EBF2: variants seen among roughly 807,000 people sequenced by gnomAD.
The protein encoded by EBF2 is EBF transcription factor 2.
A neutral mutation model predicts 72.8 loss-of-function variants in EBF2; 21 were observed. The observed-to-expected ratio is 0.29, with a 90% CI of 0.20 to 0.42. The LOEUF (loss-of-function observed/expected upper bound fraction) is 0.42, where lower values mean the gene tolerates loss of function less well. EBF2 is among the 10% of genes least tolerant of loss of function. EBF2 has a pLI of 1.00. For missense variants in EBF2, 637 were observed against 731.2 expected (o/e 0.87, Z 1.49); for synonymous variants, 299 against 274.2 (o/e 1.09, Z -0.89).
At chr8:25,982,520 G>A (rs116944963) in intron 6 of EBF2, among the ~76,000 whole-genome samples, 3,065 of 152,312 alleles carry the variant, frequency 0.02, 52 homozygotes, top group Non-Finnish European at 0.032. Flanking sequence ...ATTCCCAGGG[G>A]AAGAGTTTTA....
intron 6 of EBF2, among the ~76,000 whole-genome samples, chr8:25,928,382 T>C (rs1383835147): frequency 1.3e-5 from 2 of 152,154 alleles, no homozygotes; most frequent in Non-Finnish European, 2.9e-5. Flanking sequence ...TATGCTCCCA[T>C]CTGACTCATT....
At position 25,842,629 on chromosome 8, in the gene EBF2, T is replaced by G. The variant is rs1563369988; in HGVS notation, c.*1980A>C. On this transcript the variant is annotated 3_prime_UTR_variant, in exon 16 of 16. Coordinates refer to ENST00000520164, the MANE Select transcript of EBF2 (RefSeq NM_022659.4). ...TTATGTTTCCGTGTATTTTGGCGCT[T>G]TAAGCCCTGACTATGAGGGACTGTC... is the stretch of plus-strand genomic sequence containing the variant. 6.6e-6 allele frequency: 1 copy of G among 152,178 alleles called. No individual in the cohort carries two copies. The highest frequency in any genetic ancestry group is 1.5e-5 in the Non-Finnish European group (1 of 68,028). 9.4% of individuals were successfully genotyped at this position (152,178 alleles called of 1,614,324 possible).
intron 6 of EBF2, among the ~76,000 whole-genome samples, chr8:26,003,400 T>A (rs1047147658): frequency 3.9e-5 from 6 of 152,192 alleles, no homozygotes; most frequent in Non-Finnish European, 5.9e-5. Context: ...CTTTTCTTGT[T>A]ACTCCCAACC....
chr8:25,970,218 G>C (rs1804169827), intron 6 of EBF2, among the ~76,000 whole-genome samples: 1 of 152,178 alleles, frequency 6.6e-6, no homozygotes, highest in Middle Eastern at 3.2e-3. Context: ...GATGAACCAG[G>C]ATGCTGCTCC....
At chr8:26,033,264 C>T in intron 5 of EBF2, 111 bp from the exon 6 acceptor site, 1 of 1,031,028 alleles carries the variant, frequency 9.7e-7, no homozygotes, top group Non-Finnish European at 1.5e-6. Context: ...GCTCTGTCAC[C>T]AGGCTGTAGT....
chr8:26,038,150 G>T (rs560035427), intron 5 of EBF2, among the ~76,000 whole-genome samples: 8 of 152,196 alleles, frequency 5.3e-5, no homozygotes, highest in African/African-American at 1.7e-4. Flanking sequence ...TCTAATATTT[G>T]CCATTACCCA....
At chr8:25,861,024 A>T in intron 13 of EBF2, 25 bp downstream of exon 13, 1 of 1,613,968 alleles carries the variant, frequency 6.2e-7, no homozygotes, top group Non-Finnish European at 8.5e-7. Flanking sequence ...ACATATTTGG[A>T]TTTTGACTCT....
Position 25,913,200 on chromosome 8 carries a change from T to C in EBF2, c.552-4645A>G, listed in dbSNP as rs1585193395. 2.0e-5 allele frequency among the ~76,000 whole-genome samples: 3 copies of C among 152,254 alleles called. No individual in the cohort carries two copies. The South Asian group carries it at 6.2e-4, about 32-fold the overall frequency. On this transcript the variant is annotated intron_variant, in intron 6 of 15. Coordinates refer to ENST00000520164, the MANE Select transcript of EBF2 (RefSeq NM_022659.4). ...GCTCACTCCTGTAATCCCAGCACTT[T>C]GGGAGGCTGAGGTAGGAGTATCACG...
At chr8:25,866,712 A>G (rs1802336010) in intron 10 of EBF2, among the ~76,000 whole-genome samples, 1 of 147,208 alleles carries the variant, frequency 6.8e-6, no homozygotes, top group Non-Finnish European at 1.5e-5. Context: ...GCTCACTGCA[A>G]CCTCTGCCTC....
intron 5 of EBF2, among the ~76,000 whole-genome samples, chr8:26,035,538 T>G (rs975768533): frequency 2.0e-5 from 3 of 152,174 alleles, no homozygotes; most frequent in Non-Finnish European, 2.9e-5. Context: ...ATCTTAAAAC[T>G]TTTTAAACCC....
intron 6 of EBF2, among the ~76,000 whole-genome samples, chr8:25,915,655 G>C (rs1417097484): frequency 6.7e-6 from 1 of 148,456 alleles, no homozygotes; most frequent in Non-Finnish European, 1.5e-5. Context: ...GGAAGATTCA[G>C]GACCATTTGT....
intron 6 of EBF2, among the ~76,000 whole-genome samples, chr8:25,955,827 G>T (rs906439641): frequency 3.3e-5 from 5 of 152,136 alleles, no homozygotes; most frequent in East Asian, 1.9e-4. Context: ...GTGAATATAA[G>T]TTAATATTTT....
chr8:25,939,415 G>T (rs1365765832), intron 6 of EBF2, among the ~76,000 whole-genome samples: 6 of 152,128 alleles, frequency 3.9e-5, no homozygotes. Flanking sequence ...TGTGTGTTTT[G>T]CATTTGTGTT....
chr8:25,886,995 C>G (rs975493299), intron 9 of EBF2, 114 bp from the exon 10 acceptor site: 6 of 1,153,660 alleles, frequency 5.2e-6, no homozygotes, highest in Middle Eastern at 2.9e-4. Context: ...TCTCTCTGCT[C>G]TACTCTAACT....
At chr8:25,860,731 G>A (rs1284039365) in intron 13 of EBF2, among the ~76,000 whole-genome samples, 2 of 152,000 alleles carry the variant, frequency 1.3e-5, no homozygotes, top group Non-Finnish European at 2.9e-5. Flanking sequence ...TGCCCAGGCT[G>A]GTCTCAAACT....
At chr8:26,037,117 T>G (rs1805515705) in intron 5 of EBF2, among the ~76,000 whole-genome samples, 1 of 152,152 alleles carries the variant, frequency 6.6e-6, no homozygotes, top group Non-Finnish European at 1.5e-5. Context: ...CACTCTCAAT[T>G]TATTCTCCCC....
chr8:25,930,444 G>C (rs1224299262), intron 6 of EBF2, among the ~76,000 whole-genome samples: 1 of 152,154 alleles, frequency 6.6e-6, no homozygotes, highest in Non-Finnish European at 1.5e-5. Flanking sequence ...AAGTGCATTG[G>C]CAACCATTAA....
At chr8:25,881,251 C>G (rs1278476932) in intron 10 of EBF2, among the ~76,000 whole-genome samples, 1 of 152,222 alleles carries the variant, frequency 6.6e-6, no homozygotes, top group East Asian at 1.9e-4. Flanking sequence ...AAAAACAAGC[C>G]TTAATGTGAC....
chr8:25,947,928 T>C (rs576620388), intron 6 of EBF2, among the ~76,000 whole-genome samples: 1 of 152,332 alleles, frequency 6.6e-6, no homozygotes, highest in East Asian at 1.9e-4. Context: ...GTTCCTTGTC[T>C]GTTTCCCTAG....
Sources: allele counts gnomAD v4.1 joint callset (sites outside exome capture counted in the v4.1 genomes callset), GRCh38; gene constraint gnomAD v4.1.1; transcripts MANE v1.5; gene names NCBI Gene and HGNC (gene_info 2026-07-23, HGNC 2026-07-21).